Variants in MEIS2 observed in about 807,000 individuals in gnomAD.
MEIS2 encodes the protein homeobox protein Meis2.
A neutral mutation model predicts 58.6 loss-of-function variants in MEIS2; 9 were observed. That is an observed-to-expected ratio of 0.15 (90% CI 0.09 to 0.27). The LOEUF (loss-of-function observed/expected upper bound fraction) is 0.27, where lower values mean the gene tolerates loss of function less well. MEIS2 is among the 10% of genes least tolerant of loss of function. The pLI, the probability that MEIS2 is intolerant of heterozygous loss-of-function variation, is 1.00. For missense variants in MEIS2, 427 were observed against 635.0 expected (o/e 0.67, Z 3.52); for synonymous variants, 221 against 228.4 (o/e 0.97, Z 0.29).
At position 37,092,378 on chromosome 15, in the gene MEIS2, A is replaced by T. The variant is rs116563243; in HGVS notation, c.639+1203T>A. Among the ~76,000 whole-genome samples, 1,121 of 152,286 alleles carry T rather than the reference A, an allele frequency of 7.4e-3. 9 individuals are homozygous for T. Among genetic ancestry groups the T allele is most frequent in the Middle Eastern group, 0.024 (7 of 294 alleles). Reference sequence around the variant, plus strand: ...GGTTTATACTAAGGCATCCCAATTCATTTCTCATACCAGTCAGGAATTGGG... The same window carrying T: ...GGTTTATACTAAGGCATCCCAATTCTTTTCTCATACCAGTCAGGAATTGGG... On this transcript the variant is annotated intron_variant, in intron 6 of 11. Coordinates refer to ENST00000561208, the MANE Select transcript of MEIS2 (RefSeq NM_170675.5).
intron 9 of MEIS2, among the ~76,000 whole-genome samples, chr15:36,900,006 T>G (rs2056386501): frequency 6.6e-6 from 1 of 152,198 alleles, no homozygotes; most frequent in Non-Finnish European, 1.5e-5. Flanking sequence ...CCCCCACAAG[T>G]TATTTCCAAT....
At position 37,008,246 on chromosome 15, in the gene MEIS2, T is replaced by G. The variant is rs996570646; in HGVS notation, c.900+28568A>C. On this transcript the variant is annotated intron_variant, in intron 8 of 11. Coordinates refer to ENST00000561208, the MANE Select transcript of MEIS2 (RefSeq NM_170675.5). ...GGACAATGAACTTGGCGTTACATTT[T>G]TGACTGATTTATAAATTAGTAATAA... Among the ~76,000 whole-genome samples, 12 of 152,254 alleles carry G rather than the reference T, an allele frequency of 7.9e-5. No individual in the cohort carries two copies. The East Asian group carries it at 2.3e-3, about 29-fold the overall frequency.
chr15:36,995,857 C>G (rs1164685782), intron 8 of MEIS2, among the ~76,000 whole-genome samples: 1 of 145,706 alleles, frequency 6.9e-6, no homozygotes, highest in African/African-American at 2.5e-5. Flanking sequence ...AGGCATTTTT[C>G]TTGTTCGACT....
At chr15:36,914,737 G>A (rs955136059) in intron 9 of MEIS2, among the ~76,000 whole-genome samples, 18 of 152,204 alleles carry the variant, frequency 1.2e-4, no homozygotes, top group South Asian at 2.1e-4. Flanking sequence ...ATTCCCAAAC[G>A]TGACAGAGTC....
At chr15:37,053,634 C>A (rs1003193175) in intron 7 of MEIS2, among the ~76,000 whole-genome samples, 3 of 152,064 alleles carry the variant, frequency 2.0e-5, no homozygotes, top group Admixed American at 2.0e-4. Context: ...AGAAAAAATT[C>A]TCCCAAAAGT....
intron 7 of MEIS2, among the ~76,000 whole-genome samples, chr15:37,079,429 A>G (rs1891900686): frequency 6.6e-6 from 1 of 152,152 alleles, no homozygotes; most frequent in Non-Finnish European, 1.5e-5. Flanking sequence ...CATTCCATTG[A>G]CAGAGTTTTC....
intron 9 of MEIS2, among the ~76,000 whole-genome samples, chr15:36,917,175 C>T (rs557947023): frequency 4.2e-4 from 64 of 152,284 alleles, no homozygotes; most frequent in African/African-American, 1.5e-3. Context: ...ACTCTTTATC[C>T]GCTATTTCCC....
chr15:36,908,941 A>AAATAAT (rs570250317), intron 9 of MEIS2, among the ~76,000 whole-genome samples: 2 of 151,954 alleles, frequency 1.3e-5, no homozygotes, highest in Non-Finnish European at 2.9e-5. Flanking sequence ...CTCCATCTCA[A>AAATAAT]AATAATAATA....
intron 8 of MEIS2, among the ~76,000 whole-genome samples, chr15:36,963,706 C>G (rs1249102150): frequency 1.3e-5 from 2 of 152,164 alleles, no homozygotes; most frequent in Admixed American, 1.3e-4. Flanking sequence ...TTGTACAATT[C>G]TACGAACATT....
chr15:37,037,313 G>A (rs2062197630), intron 7 of MEIS2, among the ~76,000 whole-genome samples: 1 of 152,188 alleles, frequency 6.6e-6, no homozygotes, highest in Admixed American at 6.5e-5. Flanking sequence ...AACACATACT[G>A]TAGGGTAATC....
intron 9 of MEIS2, among the ~76,000 whole-genome samples, chr15:36,906,772 G>A (rs989433148): frequency 2.6e-5 from 4 of 151,988 alleles, no homozygotes; most frequent in Non-Finnish European, 4.4e-5. Flanking sequence ...GCAGGAGTAG[G>A]TAACAGGATA....
chr15:36,915,282 G>A (rs1448995718), intron 9 of MEIS2, among the ~76,000 whole-genome samples: 2 of 151,802 alleles, frequency 1.3e-5, no homozygotes, highest in African/African-American at 4.8e-5. Flanking sequence ...CAGGATGCTG[G>A]CTTGAAACCT....
chr15:36,908,567 C>T (rs1429185821), intron 9 of MEIS2, among the ~76,000 whole-genome samples: 1 of 152,120 alleles, frequency 6.6e-6, no homozygotes, highest in Non-Finnish European at 1.5e-5. Flanking sequence ...TCAGAATTTC[C>T]TAAGGTGGTT....
intron 8 of MEIS2, among the ~76,000 whole-genome samples, chr15:36,998,236 GTTTTTTTTTTTTTT>G (rs5811954): frequency 6.0e-5 from 4 of 66,754 alleles, no homozygotes; most frequent in African/African-American, 2.3e-4. Context: ...AAAACACAAA[GTTTTTTTTTTTTTT>G]TTTTTTTTTT....
intron 10 of MEIS2, 139 bp downstream of exon 10, chr15:36,896,489 G>T: frequency 1.8e-6 from 1 of 564,420 alleles, no homozygotes; most frequent in Non-Finnish European, 3.0e-6. Context: ...TCCTTGAGTG[G>T]GATTCTGGGG....
intron 7 of MEIS2, among the ~76,000 whole-genome samples, chr15:37,056,299 G>A (rs1048017013): frequency 6.6e-6 from 1 of 152,148 alleles, no homozygotes; most frequent in African/African-American, 2.4e-5. Flanking sequence ...ACATTTCCAG[G>A]AATGGTAAAT....
At chr15:37,066,690 G>A (rs571947979) in intron 7 of MEIS2, among the ~76,000 whole-genome samples, 3 of 152,304 alleles carry the variant, frequency 2.0e-5, no homozygotes, top group Admixed American at 1.3e-4. Flanking sequence ...TAGAGTTGGA[G>A]AAAACTTAGA....
intron 8 of MEIS2, among the ~76,000 whole-genome samples, chr15:37,028,169 T>C (rs1252552891): frequency 2.0e-5 from 3 of 152,246 alleles, no homozygotes; most frequent in Admixed American, 6.5e-5. Flanking sequence ...CTATCTGAGG[T>C]GAACCTCTTT....
intron 9 of MEIS2, among the ~76,000 whole-genome samples, chr15:36,947,919 G>A (rs978858915): frequency 8.6e-5 from 13 of 151,976 alleles, no homozygotes; most frequent in African/African-American, 3.1e-4. Flanking sequence ...CATTGGGCAA[G>A]TTCAAAATGC....
Sources: allele counts gnomAD v4.1 joint callset (sites outside exome capture counted in the v4.1 genomes callset), GRCh38; gene constraint gnomAD v4.1.1; transcripts MANE v1.5; gene names NCBI Gene and HGNC (gene_info 2026-07-23, HGNC 2026-07-21).